The following CNTNAP5 variants were observed in gnomAD, a reference collection of about 807,000 sequenced individuals.
CNTNAP5 encodes the protein contactin associated protein family member 5, also known as contactin-associated protein-like 5.
Under a neutral mutation model 150.2 loss-of-function variants are expected in CNTNAP5, and 72 were observed. The observed-to-expected ratio is 0.48, with a 90% CI of 0.40 to 0.58. The LOEUF (loss-of-function observed/expected upper bound fraction) is 0.58. CNTNAP5 is among the 20% of genes least tolerant of loss of function. The pLI is 0.00. For synonymous variants in CNTNAP5, 672 were observed against 619.8 expected, an observed-to-expected ratio of 1.08 and a Z score of -1.25; for missense variants, 1,636 against 1,626.2, an observed-to-expected ratio of 1.01 and a Z score of -0.10.
At chr2:124,474,399 C>T (rs1342557486) in intron 6 of CNTNAP5, among the ~76,000 whole-genome samples, 1 of 151,910 alleles carries the variant, frequency 6.6e-6, no homozygotes, top group Non-Finnish European at 1.5e-5. Flanking sequence ...ATGGCCATAT[C>T]TTTTAAGATG....
chr2:124,429,809 T>C (rs1573989861), intron 4 of CNTNAP5, among the ~76,000 whole-genome samples: 1 of 152,262 alleles, frequency 6.6e-6, no homozygotes, highest in East Asian at 1.9e-4. Flanking sequence ...GTGTGGATGG[T>C]AAGCTGGCTC....
At position 124,099,142 on chromosome 2, in the gene CNTNAP5, C is replaced by T. The variant is rs537604146; in HGVS notation, c.82+73410C>T. The stretch of plus-strand genomic sequence containing the variant: ...TAAGCTCCAGTGATATTGATGGGTT[C>T]ATTGCTCCTCTGCACCCTTCAATTT... On this transcript the variant is annotated intron_variant, in intron 1 of 23. Transcript: ENST00000682447. Among the ~76,000 whole-genome samples the T allele has an allele frequency of 4.6e-5, 7 of 152,292 alleles. No individual in the cohort carries two copies. In the South Asian group the frequency reaches 1.5e-3, roughly 32 times the overall value.
At chr2:124,262,314 TATG>T (rs1687479385) in intron 3 of CNTNAP5, among the ~76,000 whole-genome samples, 1 of 152,072 alleles carries the variant, frequency 6.6e-6, no homozygotes, top group Non-Finnish European at 1.5e-5. Flanking sequence ...AATAGAAAAG[TATG>T]ATATGAATCA....
chr2:124,641,126 C>CAAAAAAA (rs78602781), intron 12 of CNTNAP5, among the ~76,000 whole-genome samples: 1 of 98,504 alleles, frequency 1.0e-5, no homozygotes, highest in Non-Finnish European at 1.9e-5. Flanking sequence ...AACTCCATCT[C>CAAAAAAA]AAAAAAAAAA....
At chr2:124,816,771 C>A (rs906229761) in intron 19 of CNTNAP5, among the ~76,000 whole-genome samples, 2 of 152,168 alleles carry the variant, frequency 1.3e-5, no homozygotes, top group Non-Finnish European at 2.9e-5. Context: ...AGCCACCGTG[C>A]ATGGCTGCAG....
intron 1 of CNTNAP5, among the ~76,000 whole-genome samples, chr2:124,108,739 GT>G (rs1259158898): frequency 7.2e-5 from 11 of 152,094 alleles, no homozygotes; most frequent in Non-Finnish European, 1.6e-4. Context: ...CCACCCACTG[GT>G]TTGTAGAAAC....
intron 3 of CNTNAP5, among the ~76,000 whole-genome samples, chr2:124,365,048 A>G (rs1013797638): frequency 1.3e-5 from 2 of 152,142 alleles, no homozygotes; most frequent in African/African-American, 4.8e-5. Flanking sequence ...TCTTGAATGA[A>G]TTTTTCCAAG....
chr2:124,809,062 G>A (rs978289969), intron 19 of CNTNAP5, among the ~76,000 whole-genome samples: 3 of 152,016 alleles, frequency 2.0e-5, no homozygotes, highest in South Asian at 2.1e-4. Flanking sequence ...TGTGATAACT[G>A]GAATTATAGA....
At position 124,545,365 on chromosome 2, in the gene CNTNAP5, G is replaced by A. The variant is rs373089845; in HGVS notation, c.1650-17852G>A. 3.3e-5 allele frequency among the ~76,000 whole-genome samples: 5 copies of A among 152,054 alleles called. No individual in the cohort carries two copies. In the South Asian group the frequency reaches 8.3e-4, roughly 25 times the overall value. On this transcript the variant is annotated intron_variant, in intron 10 of 23. Transcript: ENST00000682447. The stretch of plus-strand genomic sequence containing the variant: ...GGGTGGGTTTAGATTAATGCCTATC[G>A]CAAAGTAGAGGCATGAAACCCCCAA...
At chr2:124,475,633 T>G (rs1693621490) in intron 7 of CNTNAP5, among the ~76,000 whole-genome samples, 1 of 152,124 alleles carries the variant, frequency 6.6e-6, no homozygotes. Context: ...TCTTTTATCA[T>G]TATATAATAT....
At chr2:124,742,562 A>G (rs930495007) in intron 13 of CNTNAP5, among the ~76,000 whole-genome samples, 1 of 152,058 alleles carries the variant, frequency 6.6e-6, no homozygotes. Flanking sequence ...GTACACTCTA[A>G]AACAAATACT....
At chr2:124,062,035 C>G (rs530207789) in intron 1 of CNTNAP5, among the ~76,000 whole-genome samples, 61 of 146,478 alleles carry the variant, frequency 4.2e-4, no homozygotes, top group African/African-American at 1.5e-3. Context: ...TGGGCTGTTT[C>G]CACAGCCTCC....
At chr2:124,295,389 A>G (rs1290881391) in intron 3 of CNTNAP5, among the ~76,000 whole-genome samples, 10 of 152,214 alleles carry the variant, frequency 6.6e-5, no homozygotes, top group African/African-American at 2.4e-4. Context: ...GCTCGAATAT[A>G]TAGAGAAGAC....
chr2:124,207,458 T>C (rs1466974918), intron 1 of CNTNAP5, among the ~76,000 whole-genome samples: 2 of 152,128 alleles, frequency 1.3e-5, no homozygotes, highest in Non-Finnish European at 2.9e-5. Context: ...GTTGGGGGGA[T>C]AGAAAAGGAA....
At chr2:124,336,342 C>T (rs1342534923) in intron 3 of CNTNAP5, among the ~76,000 whole-genome samples, 1 of 152,098 alleles carries the variant, frequency 6.6e-6, no homozygotes, top group Non-Finnish European at 1.5e-5. Flanking sequence ...TTCAGTAGCA[C>T]TCTGTTTGTC....
At chr2:124,206,324 A>G (rs912191146) in intron 1 of CNTNAP5, among the ~76,000 whole-genome samples, 1 of 152,220 alleles carries the variant, frequency 6.6e-6, no homozygotes, top group African/African-American at 2.4e-5. Context: ...TCTGGACTCA[A>G]TAATTGGTAT....
intron 3 of CNTNAP5, among the ~76,000 whole-genome samples, chr2:124,328,480 A>G (rs1289240023): frequency 6.6e-6 from 1 of 152,140 alleles, no homozygotes; most frequent in African/African-American, 2.4e-5. Context: ...TGTCCCCTAA[A>G]TTAGTTCCTT....
rs1246043976 is a variant in CNTNAP5 at position 124,919,345 on chromosome 2, A to G, written c.*5057A>G. On this transcript the variant is annotated 3_prime_UTR_variant, in exon 24 of 24. Transcript: ENST00000682447. Reference sequence around the variant, plus strand: ...TTTGCACTAAGGTACTCTGAGGAAGAACAGAAAAGCACATTTTCTAGTGAA... The same window carrying G: ...TTTGCACTAAGGTACTCTGAGGAAGGACAGAAAAGCACATTTTCTAGTGAA... 6.6e-6 allele frequency among the ~76,000 whole-genome samples: 1 copy of G among 152,164 alleles called. No individual in the cohort carries two copies. Among genetic ancestry groups the G allele is most frequent in the African/African-American group, 2.4e-5 (1 of 41,452 alleles).
intron 17 of CNTNAP5, among the ~76,000 whole-genome samples, chr2:124,784,059 A>G (rs1470517421): frequency 6.6e-6 from 1 of 152,206 alleles, no homozygotes; most frequent in Admixed American, 6.5e-5. Context: ...TTAGTCAAAA[A>G]GTCTGCCACT....
Sources: gnomAD v4.1 joint callset for allele counts (sites outside exome capture counted in the v4.1 genomes callset) on GRCh38, gnomAD v4.1.1 for gene constraint, MANE v1.5 for transcripts, NCBI Gene and HGNC (gene_info 2026-07-23, HGNC 2026-07-21) for gene names.